DCTN5: variants seen among roughly 807,000 people sequenced by gnomAD.
The protein encoded by DCTN5 is dynactin subunit 5.
In DCTN5, 14 loss-of-function variants were observed where a neutral mutation model predicts 23.5. The observed-to-expected ratio is 0.60, with a 90% CI of 0.39 to 0.93. The LOEUF is 0.93. Ranked by LOEUF, DCTN5 falls within the 40% of genes least tolerant of loss-of-function variation. DCTN5 has a pLI of 0.00. For synonymous variants in DCTN5, 67 were observed against 79.6 expected, an observed-to-expected ratio of 0.84 and a Z score of 0.84; for missense variants, 156 against 225.9, an observed-to-expected ratio of 0.69 and a Z score of 1.98.
chr16:23,641,497 G>T lies in DCTN5; in HGVS notation c.-46G>T. 1 of 1,612,686 alleles carries T rather than the reference G, an allele frequency of 6.2e-7. No homozygotes were observed. The highest frequency in any genetic ancestry group is 1.1e-5 in the South Asian group (1 of 90,962). On this transcript the variant is annotated 5_prime_UTR_variant, in exon 1 of 6. Coordinates refer to ENST00000300087, the MANE Select transcript of DCTN5 (RefSeq NM_032486.4). Reference sequence around the variant, plus strand: ...AGCCGGAATCTCTGAAAGACTGACCGACTGACTCTGACAGGATCCGGGGCT... The same window carrying T: ...AGCCGGAATCTCTGAAAGACTGACCTACTGACTCTGACAGGATCCGGGGCT...
At chr16:23,662,639 G>A (rs1007942128) in intron 4 of DCTN5, among the ~76,000 whole-genome samples, 3 of 152,192 alleles carry the variant, frequency 2.0e-5, no homozygotes, top group African/African-American at 7.2e-5. Flanking sequence ...AAACCAAACA[G>A]TTCACATTCC....
In DCTN5 at chr16:23,669,099, C is replaced by G. The variant is rs1211041242; in HGVS notation, c.*1955C>G. ...GCTGGACTCTGTCTCCATGGTGGCT[C>G]TCACCCCAGGGACCTAGGAACAGCC... On this transcript the variant is annotated 3_prime_UTR_variant, in exon 6 of 6. Coordinates refer to ENST00000300087, the MANE Select transcript of DCTN5 (RefSeq NM_032486.4). The G allele has an allele frequency of 1.3e-5, 2 of 152,616 alleles. No individual in the cohort carries two copies. The highest frequency in any genetic ancestry group is 2.9e-5 in the Non-Finnish European group (2 of 68,038). The allele number at this position is 152,616 out of a possible 1,614,324, so 9.5% of individuals were successfully genotyped here.
At chr16:23,643,065 C>A in intron 2 of DCTN5, 42 bp downstream of exon 2, 2 of 1,546,378 alleles carry the variant, frequency 1.3e-6, no homozygotes, top group Non-Finnish European at 1.8e-6. Context: ...CCTTAGCTTG[C>A]GTTCTGCTAA....
intron 2 of DCTN5, among the ~76,000 whole-genome samples, chr16:23,656,367 G>A (rs190188373): frequency 6.6e-6 from 1 of 152,300 alleles, no homozygotes; most frequent in African/African-American, 2.4e-5. Context: ...CAGTTCATTT[G>A]TTCAAAGCAG....
chr16:23,658,711 A>G, intron 3 of DCTN5, 86 bp downstream of exon 3: 1 of 1,004,284 alleles, frequency 1.0e-6, no homozygotes. Flanking sequence ...TGGTATAATG[A>G]CTAGGTCTGT....
At chr16:23,666,552 T>C (rs1967909724) in intron 5 of DCTN5, 3 of 159,646 alleles carry the variant, frequency 1.9e-5, no homozygotes, top group South Asian at 1.8e-4. Flanking sequence ...CCCAAGACAG[T>C]ATCTTCTTCT....
At chr16:23,643,965 A>G (rs945842216) in intron 2 of DCTN5, among the ~76,000 whole-genome samples, 25 of 152,056 alleles carry the variant, frequency 1.6e-4, no homozygotes, top group African/African-American at 5.8e-4. Context: ...TTTTCTTTAA[A>G]TATTACATCT....
intron 2 of DCTN5, among the ~76,000 whole-genome samples, chr16:23,647,255 C>T (rs1349643595): frequency 6.6e-6 from 1 of 151,844 alleles, no homozygotes; most frequent in African/African-American, 2.4e-5. Flanking sequence ...GCCTCAGCAT[C>T]CTGAATAGCT....
intron 4 of DCTN5, 76 bp from the exon 5 acceptor site, chr16:23,665,550 A>G: frequency 1.4e-6 from 2 of 1,386,956 alleles, no homozygotes; most frequent in South Asian, 1.3e-5. Flanking sequence ...ACATGGTATC[A>G]TGAATGGGGA....
At chr16:23,653,333 G>A (rs533287562) in intron 2 of DCTN5, among the ~76,000 whole-genome samples, 10 of 152,244 alleles carry the variant, frequency 6.6e-5, no homozygotes, top group Admixed American at 1.3e-4. Flanking sequence ...TCAAAACAGC[G>A]TGTTGCTGGT....
At position 23,665,606 on chromosome 16, in the gene DCTN5, TA is replaced by T; in HGVS notation, c.349-18del. ...CACAGTAGACTGATCCATTTCCTATTAACAAGATTTTAATTTCAGGGGCGCC... is the reference window on the plus strand; with the variant it reads ...CACAGTAGACTGATCCATTTCCTATTACAAGATTTTAATTTCAGGGGCGCC... On this transcript the variant is annotated intron_variant, in intron 4 of 5. Coordinates refer to ENST00000300087, the MANE Select transcript of DCTN5 (RefSeq NM_032486.4). The T allele has an allele frequency of 6.2e-7, 1 of 1,606,198 alleles. No individual in the cohort carries two copies. The highest frequency in any genetic ancestry group is 1.1e-5 in the South Asian group (1 of 89,828).
intron 2 of DCTN5, chr16:23,650,952 T>C (rs564376459): frequency 2.8e-6 from 4 of 1,449,950 alleles, no homozygotes; most frequent in East Asian, 2.5e-5. Flanking sequence ...GTGGCAACAA[T>C]CAGCTTTCCA....
In DCTN5 at chr16:23,666,671, C is replaced by T. The variant is rs1168596465; in HGVS notation, c.452-376C>T. ...GAGATTTGACAGTATATGATACCTA[C>T]CACTGAGTGGTTTAATTGTTTTTCC... On this transcript the variant is annotated intron_variant, in intron 5 of 5. Coordinates refer to ENST00000300087, the MANE Select transcript of DCTN5 (RefSeq NM_032486.4). 2.0e-5 allele frequency: 7 copies of T among 342,862 alleles called. No individual in the cohort carries two copies. The East Asian group carries it at 2.9e-4, about 14-fold the overall frequency. The allele number at this position is 342,862 out of a possible 1,614,324, so 21.2% of individuals were successfully genotyped here.
At chr16:23,663,426 G>A (rs1967850699) in intron 4 of DCTN5, among the ~76,000 whole-genome samples, 1 of 152,088 alleles carries the variant, frequency 6.6e-6, no homozygotes, top group African/African-American at 2.4e-5. Context: ...TAAAGAAGTA[G>A]TTTCAGGCCA....
At position 23,673,683 on chromosome 16, in the gene DCTN5, G is replaced by A. The variant is rs1163453703; in HGVS notation, c.*6539G>A. 6.6e-6 allele frequency: 1 copy of A among 152,184 alleles called. No individual in the cohort carries two copies. Among genetic ancestry groups the A allele is most frequent in the Non-Finnish European group, 1.5e-5 (1 of 68,030 alleles). 9.4% of individuals were successfully genotyped at this position (152,184 alleles called of 1,614,324 possible). ...AAAATAAAATATGAAAGGTGTTAGT[G>A]GGATACAGCTTTCTAGTTTTTTGCC... On this transcript the variant is annotated 3_prime_UTR_variant, in exon 6 of 6. Coordinates refer to ENST00000300087, the MANE Select transcript of DCTN5 (RefSeq NM_032486.4).
Position 23,671,960 on chromosome 16 carries a change from G to A in DCTN5, c.*4816G>A, listed in dbSNP as rs1022228675. On this transcript the variant is annotated 3_prime_UTR_variant, in exon 6 of 6. Coordinates refer to ENST00000300087, the MANE Select transcript of DCTN5 (RefSeq NM_032486.4). ...GGGAGTGAAATTCACACCCACTCTG[G>A]CTTTCATACCATGGGTCTGAACATT... is the stretch of plus-strand genomic sequence containing the variant. The A allele has an allele frequency of 1.3e-5, 2 of 152,186 alleles. No homozygotes were observed. The highest frequency in any genetic ancestry group is 1.5e-5 in the Non-Finnish European group (1 of 68,054). The allele number at this position is 152,186 out of a possible 1,614,324, so 9.4% of individuals were successfully genotyped here.
chr16:23,651,686 T>C (rs1317948324), intron 2 of DCTN5, among the ~76,000 whole-genome samples: 4 of 152,234 alleles, frequency 2.6e-5, no homozygotes, highest in Non-Finnish European at 5.9e-5. Context: ...AGGAAGTTCA[T>C]GCTAGAAATA....
At chr16:23,645,843 C>T (rs1337757130) in intron 2 of DCTN5, among the ~76,000 whole-genome samples, 1 of 152,150 alleles carries the variant, frequency 6.6e-6, no homozygotes, top group Non-Finnish European at 1.5e-5. Context: ...GCAGTGAACA[C>T]TGATGTGCAA....
intron 2 of DCTN5, among the ~76,000 whole-genome samples, chr16:23,644,500 C>T (rs1412568706): frequency 1.3e-5 from 2 of 151,820 alleles, no homozygotes; most frequent in African/African-American, 4.8e-5. Context: ...TGGGGTTTCA[C>T]CGTGTTAGCC....
Sources: gnomAD v4.1 joint callset for allele counts (sites outside exome capture counted in the v4.1 genomes callset) on GRCh38, gnomAD v4.1.1 for gene constraint, MANE v1.5 for transcripts, NCBI Gene and HGNC (gene_info 2026-07-23, HGNC 2026-07-21) for gene names.